Variants in MIA2 observed in about 807,000 individuals in gnomAD.
MIA2 encodes the protein melanoma inhibitory activity protein 2.
In MIA2, 127 loss-of-function variants were observed where a neutral mutation model predicts 167.8. The ratio of observed to expected loss-of-function variants is 0.76; its 90% confidence interval spans 0.66 to 0.88. MIA2 has a LOEUF of 0.88. Among genes scored for constraint, MIA2 ranks in the 40% least tolerant of loss-of-function variants. MIA2 has a pLI of 0.00. For synonymous variants in MIA2, 552 were observed against 541.9 expected (o/e 1.02, Z -0.26); for missense variants, 1,690 against 1,624.7 (o/e 1.04, Z -0.69).
At chr14:39,238,913 A>G (rs532257368) in intron 2 of MIA2, among the ~76,000 whole-genome samples, 1 of 152,100 alleles carries the variant, frequency 6.6e-6, no homozygotes, top group Non-Finnish European at 1.5e-5. Flanking sequence ...AATATATAAC[A>G]TGGGAAAATT....
intron 25 of MIA2, among the ~76,000 whole-genome samples, chr14:39,337,330 T>A (rs1471460045): frequency 6.6e-6 from 1 of 152,182 alleles, no homozygotes; most frequent in East Asian, 1.9e-4. Flanking sequence ...CAAATCCAGT[T>A]ATAATTGGAG....
chr14:39,339,440 C>T (rs2071273457), intron 25 of MIA2, among the ~76,000 whole-genome samples: 1 of 152,126 alleles, frequency 6.6e-6, no homozygotes, highest in Non-Finnish European at 1.5e-5. Context: ...GGGTTAGTAG[C>T]TTTCACAAGG....
At chr14:39,286,313 C>T (rs186756477) in intron 9 of MIA2, among the ~76,000 whole-genome samples, 19 of 151,988 alleles carry the variant, frequency 1.3e-4, no homozygotes, top group Non-Finnish European at 1.8e-4. Context: ...GGTGTGGTGG[C>T]GCGCGCCTGC....
Position 39,304,326 on chromosome 14 carries a change from A to T in MIA2, c.2823A>T (p.Arg941Ser). The part of the protein sequence containing the change: ...NASLKTLEGE[R>S]NQIYIQLSEV... Reference sequence around the variant, plus strand: ...CTTTAAAAACCTTAGAAGGAGAAAGAAACCAAATTTATATTCAGTTGTCTG... The same window carrying T: ...CTTTAAAAACCTTAGAAGGAGAAAGTAACCAAATTTATATTCAGTTGTCTG... The change falls in exon 17 of 29, where the codon AGA becomes AGT. Residue 941 changes from arginine to serine, a missense_variant. Transcript: ENST00000640607. 1 of 1,577,464 alleles carries T rather than the reference A, an allele frequency of 6.3e-7. No homozygotes were observed. The highest frequency in any genetic ancestry group is 2.3e-5 in the East Asian group (1 of 43,854).
At chr14:39,296,309 A>G (rs2061413829) in intron 13 of MIA2, among the ~76,000 whole-genome samples, 1 of 151,992 alleles carries the variant, frequency 6.6e-6, no homozygotes, top group African/African-American at 2.4e-5. Flanking sequence ...GGTTGAATAT[A>G]TTCTGGGTTG....
intron 9 of MIA2, among the ~76,000 whole-genome samples, chr14:39,279,738 C>A (rs1402467186): frequency 6.6e-6 from 1 of 152,134 alleles, no homozygotes; most frequent in Non-Finnish European, 1.5e-5. Flanking sequence ...TCTCCTTGTG[C>A]TTTCCTTTTG....
chr14:39,285,186 A>G lies in MIA2; in HGVS notation c.2130+5649A>G, dbSNP rs183230582. On this transcript the variant is annotated intron_variant, in intron 9 of 28. Transcript: ENST00000640607. Reference sequence around the variant, plus strand: ...TACACAGCAACAATCTGATTTCTCTATCTTTTCCCCACCTTTCCCCCTTTT... The same window carrying G: ...TACACAGCAACAATCTGATTTCTCTGTCTTTTCCCCACCTTTCCCCCTTTT... Among the ~76,000 whole-genome samples the G allele has an allele frequency of 7.0e-3, 1,063 of 152,196 alleles. 13 individuals carry two copies. Among genetic ancestry groups the G allele is most frequent in the African/African-American group, 0.024 (986 of 41,534 alleles).
chr14:39,354,992 C>A (rs545624103), downstream of MIA2, among the ~76,000 whole-genome samples: 1 of 152,094 alleles, frequency 6.6e-6, no homozygotes, highest in South Asian at 2.1e-4. Flanking sequence ...AGTCAGGTAG[C>A]GTGATGCCTC....
At position 39,350,163 on chromosome 14, in the gene MIA2, C is replaced by A; in HGVS notation, c.4138C>A (p.Pro1380Thr). The change falls in exon 29 of 29, where the codon CCA becomes ACA. Residue 1380 changes from proline to threonine, a missense_variant. Physicochemically the swap from Pro to Thr is conservative, Grantham distance 38 (BLOSUM62 -1). Transcript: ENST00000640607. ...YLPPRPGFFP[P>T]PPHSEGRSEF... ...TCCCCCAAGACCTGGATTTTTCCCC[C>A]CACCCCCACATTCTGAAGGTAGAAG... is the stretch of plus-strand genomic sequence containing the variant. 7.1e-7 allele frequency: 1 copy of A among 1,417,740 alleles called. No homozygotes were observed. Among genetic ancestry groups the A allele is most frequent in the Non-Finnish European group, 9.7e-7 (1 of 1,034,908 alleles). 87.8% of individuals were successfully genotyped at this position (1,417,740 alleles called of 1,614,324 possible).
At chr14:39,303,057 CT>C (rs533134698) in intron 15 of MIA2, among the ~76,000 whole-genome samples, 6 of 152,026 alleles carry the variant, frequency 3.9e-5, no homozygotes, top group Non-Finnish European at 8.8e-5. Flanking sequence ...TCTGTTTGTA[CT>C]TTTTCATTTC....
At chr14:39,302,495 T>A (rs1210691654) in intron 15 of MIA2, among the ~76,000 whole-genome samples, 1 of 152,206 alleles carries the variant, frequency 6.6e-6, no homozygotes, top group Non-Finnish European at 1.5e-5. Flanking sequence ...TTTTGTGTAT[T>A]ATACATATCT....
chr14:39,303,633 A>G (rs1332164783), intron 16 of MIA2, 109 bp downstream of exon 16: 19 of 659,916 alleles, frequency 2.9e-5, no homozygotes, highest in Non-Finnish European at 4.5e-5. Context: ...CCATATAAAT[A>G]TATTTACAAA....
rs540444200 is a variant in MIA2 at position 39,311,118 on chromosome 14, G to A, written c.3018-2222G>A. On this transcript the variant is annotated intron_variant, in intron 18 of 28. Transcript: ENST00000640607. The stretch of plus-strand genomic sequence containing the variant: ...ATTTTCTTTAGATTTTTAAAGGAAG[G>A]ATAGGAAACTGAGTAGTACCCTAGT... Among the ~76,000 whole-genome samples, 13 of 152,248 alleles carry A rather than the reference G, an allele frequency of 8.5e-5. No individual in the cohort carries two copies. The East Asian group carries it at 2.5e-3, about 29-fold the overall frequency.
chr14:39,280,806 C>G (rs758221069), intron 9 of MIA2, among the ~76,000 whole-genome samples: 43 of 151,818 alleles, frequency 2.8e-4, no homozygotes, highest in Non-Finnish European at 2.5e-4. Flanking sequence ...TTTTGGCTCT[C>G]AGCAGTGTTA....
chr14:39,359,262 T>TC (rs942132061), intron 23 of MIA2, among the ~76,000 whole-genome samples: 4 of 152,142 alleles, frequency 2.6e-5, no homozygotes, highest in African/African-American at 9.7e-5. Flanking sequence ...CGGGCACCCC[T>TC]CCCCCAGCCT....
chr14:39,277,743 TGTGTGTATATATATATATATA>T lies in MIA2; in HGVS notation c.2019+679_2019+699del, dbSNP rs2058333262. ...GTGTATATATATATATATATATATA[TGTGTGTATATATATATATATA>T]TATATATATATATATATTTATATTT... On this transcript the variant is annotated intron_variant, in intron 7 of 28. Transcript: ENST00000640607. 1.9e-3 allele frequency among the ~76,000 whole-genome samples: 6 copies of T among 3,222 alleles called. 1 individual carries two copies. The highest frequency in any genetic ancestry group is 6.4e-3 in the African/African-American group (4 of 624). 2.1% of individuals were successfully genotyped at this position (3,222 alleles called of 152,430 possible). A position where few individuals can be genotyped will look rare whatever the true frequency, so the allele number is the denominator to read the frequency against.
At chr14:39,288,439 A>G (rs1193307746) in intron 9 of MIA2, among the ~76,000 whole-genome samples, 1 of 8,274 alleles carries the variant, frequency 1.2e-4, no homozygotes, top group Non-Finnish European at 2.9e-4. Context: ...ATACATATAT[A>G]TATATATATA....
intron 23 of MIA2, among the ~76,000 whole-genome samples, chr14:39,362,912 C>T (rs2139288194): frequency 6.6e-6 from 1 of 152,132 alleles, no homozygotes; most frequent in East Asian, 1.9e-4. Context: ...TTCTTTATTT[C>T]CTTCTTAATT....
intron 23 of MIA2, among the ~76,000 whole-genome samples, chr14:39,379,094 C>T (rs986466499): frequency 6.6e-6 from 1 of 152,064 alleles, no homozygotes; most frequent in Non-Finnish European, 1.5e-5. Flanking sequence ...TTTTAATCAT[C>T]TCGACCATAA....
Sources: gnomAD v4.1 joint callset for allele counts (sites outside exome capture counted in the v4.1 genomes callset) on GRCh38, gnomAD v4.1.1 for gene constraint, MANE v1.5 for transcripts, NCBI Gene and HGNC (gene_info 2026-07-23, HGNC 2026-07-21) for gene names.